The following LILRB4 variants were observed in gnomAD, a reference collection of about 807,000 sequenced individuals.
LILRB4 encodes leukocyte immunoglobulin like receptor B4, also known as leukocyte immunoglobulin-like receptor subfamily B member 4.
LILRB4 carries 49 observed loss-of-function variants against 55.2 expected under a neutral mutation model. That is an observed-to-expected ratio of 0.89 (90% CI 0.71 to 1.13). The LOEUF (loss-of-function observed/expected upper bound fraction) is 1.13, where lower values mean the gene tolerates loss of function less well. Ranked by LOEUF, LILRB4 falls within the 50% of genes most tolerant of loss-of-function variation. The probability of loss-of-function intolerance (pLI) is 0.00; values close to 1 mark genes in which losing one functional copy is unlikely to be tolerated. For synonymous variants in LILRB4, 229 were observed against 213.8 expected (o/e 1.07, Z -0.62); for missense variants, 590 against 555.2 (o/e 1.06, Z -0.63).
In LILRB4 at chr19:54,666,060, A is replaced by G; in HGVS notation, c.874+129A>G. On this transcript the variant is annotated intron_variant, in intron 7 of 11. Transcript: ENST00000430952. The surrounding 1 kb of genome is among the most constrained non-coding windows in gnomAD (Gnocchi z 4.8). ...GAAATTCCCAGTGAGAAAATCTAGA[A>G]AGAAGAAAATGAATGAGGGAGTAAT... The G allele has an allele frequency of 7.3e-7, 1 of 1,372,060 alleles. No homozygotes were observed. The highest frequency in any genetic ancestry group is 1.0e-6 in the Non-Finnish European group (1 of 996,012). 85.0% of individuals were successfully genotyped at this position (1,372,060 alleles called of 1,614,324 possible).
At position 54,666,544 on chromosome 19, in the gene LILRB4, G is replaced by C. The variant is rs2065273035; in HGVS notation, c.988+108G>C. The C allele has an allele frequency of 1.4e-6, 2 of 1,472,910 alleles. No homozygotes were observed. Among genetic ancestry groups the C allele is most frequent in the Non-Finnish European group, 1.9e-6 (2 of 1,065,438 alleles). The allele number at this position is 1,472,910 out of a possible 1,614,324, so 91.2% of individuals were successfully genotyped here. On this transcript the variant is annotated intron_variant, in intron 9 of 11. Transcript: ENST00000430952. The surrounding 1 kb of genome is among the most constrained non-coding windows in gnomAD (Gnocchi z 4.8). ...CTAGGATTGGTCAGGGACTCAGGGA[G>C]AAGTGGTCTGAACCCACATTGTGGG...
Position 54,666,131 on chromosome 19 carries a change from A to C in LILRB4, c.875-109A>C. ...GTTTTTCTAAACTTAGAAAGTATTT[A>C]AAACATCCTTGCAAGTGTATTTTCA... is the stretch of plus-strand genomic sequence containing the variant. On this transcript the variant is annotated intron_variant, in intron 7 of 11. Transcript: ENST00000430952. This position sits in a 1 kb window ranked among gnomAD's most constrained non-coding sequence, Gnocchi z 4.8. 1 of 1,283,570 alleles carries C rather than the reference A, an allele frequency of 7.8e-7. No homozygotes were observed. The highest frequency in any genetic ancestry group is 1.1e-6 in the Non-Finnish European group (1 of 923,606). The allele number at this position is 1,283,570 out of a possible 1,614,324, so 79.5% of individuals were successfully genotyped here. A position where few individuals can be genotyped will look rare whatever the true frequency, so the allele number is the denominator to read the frequency against.
At chr19:54,663,827 G>T (rs374181984) in exon 3 of LILRB4, 122 of 1,614,066 alleles carry the variant, frequency 7.6e-5, no homozygotes, top group Non-Finnish European at 9.5e-5. Flanking sequence ...TGACCATCTG[G>T]TGTCAGGGGA....
In LILRB4 at chr19:54,664,487, T is replaced by C. The variant is rs1284856671; in HGVS notation, c.655+2T>C. ...ACCCCCTGGAGCTCATAGTCTCAGGTGAGGCTCCTGACCCTGTCCTCTCTG... is the reference window on the plus strand; with the variant it reads ...ACCCCCTGGAGCTCATAGTCTCAGGCGAGGCTCCTGACCCTGTCCTCTCTG... On this transcript the variant is annotated splice_donor_variant, in intron 4 of 11. Transcript: ENST00000430952. LOFTEE classifies it high-confidence loss of function. The C allele has an allele frequency of 6.3e-7, 1 of 1,594,112 alleles. No homozygotes were observed.
chr19:54,666,784 C>T lies in LILRB4; in HGVS notation c.1041+35C>T. The T allele has an allele frequency of 6.3e-7, 1 of 1,592,510 alleles. No individual in the cohort carries two copies. Among genetic ancestry groups the T allele is most frequent in the Non-Finnish European group, 8.6e-7 (1 of 1,160,596 alleles). The stretch of plus-strand genomic sequence containing the variant: ...CGCCCCTGTCCCCGGCACCAAAGGC[C>T]TCCTGGTGCCAGATCTAATCCTGCA... On this transcript the variant is annotated intron_variant, in intron 10 of 11. Coordinates refer to ENST00000430952, the Ensembl canonical transcript of LILRB4. This position sits in a 1 kb window ranked among gnomAD's most constrained non-coding sequence, Gnocchi z 4.8.
In LILRB4 at chr19:54,665,396, C is replaced by A. The variant is rs1458818509; in HGVS notation, c.757+216C>A. On this transcript the variant is annotated intron_variant, in intron 6 of 11. Coordinates refer to ENST00000430952, the Ensembl canonical transcript of LILRB4. This position sits in a 1 kb window ranked among gnomAD's most constrained non-coding sequence, Gnocchi z 5.5. Reference sequence around the variant, plus strand: ...TGTGCCCTCCTGGGAGAGGAGGCCTCCCAGGGAACCTCCCAGACCCGATTC... The same window carrying A: ...TGTGCCCTCCTGGGAGAGGAGGCCTACCAGGGAACCTCCCAGACCCGATTC... Among the ~76,000 whole-genome samples the A allele has an allele frequency of 6.6e-6, 1 of 152,046 alleles. No individual in the cohort carries two copies. Among genetic ancestry groups the A allele is most frequent in the East Asian group, 1.9e-4 (1 of 5,172 alleles).
rs1041915461 is a variant in LILRB4 at position 54,666,105 on chromosome 19, G to T, written c.875-135G>T. On this transcript the variant is annotated intron_variant, in intron 7 of 11. Coordinates refer to ENST00000430952, the Ensembl canonical transcript of LILRB4. The surrounding 1 kb of genome is among the most constrained non-coding windows in gnomAD (Gnocchi z 4.8). ...AGTAATGGAAGTGCTTTATTCTTTC[G>T]GTTTTTCTAAACTTAGAAAGTATTT... The T allele has an allele frequency of 8.1e-7, 1 of 1,239,078 alleles. No individual in the cohort carries two copies. The highest frequency in any genetic ancestry group is 1.5e-5 in the South Asian group (1 of 67,512). The allele number at this position is 1,239,078 out of a possible 1,614,324, so 76.8% of individuals were successfully genotyped here.
At position 54,663,386 on chromosome 19, in the gene LILRB4, C is replaced by CAA. The variant is rs550663646; in HGVS notation, c.35-145_35-144insAA. 4 of 1,248,676 alleles carry CAA rather than the reference C, an allele frequency of 3.2e-6. No individual in the cohort carries two copies. In the East Asian group the frequency reaches 1.0e-4, roughly 32 times the overall value. 77.3% of individuals were successfully genotyped at this position (1,248,676 alleles called of 1,614,324 possible). A position where few individuals can be genotyped will look rare whatever the true frequency, so the allele number is the denominator to read the frequency against. Reference sequence around the variant, plus strand: ...GCGTGAACCCGGGAGGCGGAGCTTGCAGTGAGCCAAGATCGCACCACCGCA... The same window carrying CAA: ...GCGTGAACCCGGGAGGCGGAGCTTGCAAAGTGAGCCAAGATCGCACCACCGCA... On this transcript the variant is annotated intron_variant, in intron 1 of 11. Coordinates refer to ENST00000430952, the Ensembl canonical transcript of LILRB4.
At chr19:54,663,754 G>A (rs1366367720) in exon 3 of LILRB4, 6 of 1,613,910 alleles carry the variant, frequency 3.7e-6, no homozygotes, top group Non-Finnish European at 5.1e-6. Flanking sequence ...TTTCTTCCAG[G>A]GCCCCTCCCC....
exon 1 of LILRB4, chr19:54,663,066 C>G: frequency 6.2e-7 from 1 of 1,612,932 alleles, no homozygotes; most frequent in Non-Finnish European, 8.5e-7. Context: ...TGCTCTGCCT[C>G]GGTGAGATTT....
chr19:54,667,662 G>T (rs1164342034), exon 11 of LILRB4: 4 of 1,610,756 alleles, frequency 2.5e-6, no homozygotes, highest in Non-Finnish European at 3.4e-6. Flanking sequence ...AGACCCCCAG[G>T]CAGTGACGTA....
rs369084686 is a variant in LILRB4 at position 54,666,624 on chromosome 19, G to A, written c.989-73G>A. On this transcript the variant is annotated intron_variant, in intron 9 of 11. Transcript: ENST00000430952. This position sits in a 1 kb window ranked among gnomAD's most constrained non-coding sequence, Gnocchi z 4.8. ...GTTGCAGTGGCACTAATGGGAACAG[G>A]GCAGGGACCAGCAGGAATGAGAGGT... The A allele has an allele frequency of 2.2e-5, 34 of 1,535,266 alleles. No individual in the cohort carries two copies. The Middle Eastern group carries it at 6.7e-4, about 30-fold the overall frequency.
exon 3 of LILRB4, chr19:54,663,877 G>A (rs1240211910): frequency 1.2e-6 from 2 of 1,614,148 alleles, no homozygotes; most frequent in Non-Finnish European, 1.7e-6. Flanking sequence ...AAAGAGGAAA[G>A]CCCAGCACCC....
chr19:54,666,014 C>G lies in LILRB4; in HGVS notation c.874+83C>G. On this transcript the variant is annotated intron_variant, in intron 7 of 11. Coordinates refer to ENST00000430952, the Ensembl canonical transcript of LILRB4. The surrounding 1 kb of genome is among the most constrained non-coding windows in gnomAD (Gnocchi z 4.8). ...CAAAGGGACTCCAGATAGGAGAGGT[C>G]ATCTTAGAAACTCTGCTCCAGAAAT... 6.5e-7 allele frequency: 1 copy of G among 1,534,364 alleles called. No homozygotes were observed. Among genetic ancestry groups the G allele is most frequent in the Non-Finnish European group, 8.9e-7 (1 of 1,124,858 alleles).
At chr19:54,667,661 G>T in exon 11 of LILRB4, 1 of 1,609,332 alleles carries the variant, frequency 6.2e-7, no homozygotes, top group African/African-American at 1.4e-5. Context: ...AAGACCCCCA[G>T]GCAGTGACGT....
rs867609377 is a variant in LILRB4 at position 54,663,306 on chromosome 19, G to T, written c.35-226G>T. Among the ~76,000 whole-genome samples, 4 of 151,968 alleles carry T rather than the reference G, an allele frequency of 2.6e-5. No individual in the cohort carries two copies. In the South Asian group the frequency reaches 8.3e-4, roughly 32 times the overall value. ...CTAAAAATACAAAAAATTAGCCGGG[G>T]GTGGTTGCAGGCGCCTGTGGTCCCA... On this transcript the variant is annotated intron_variant, in intron 1 of 11. Coordinates refer to ENST00000430952, the Ensembl canonical transcript of LILRB4.
At chr19:54,663,306 G>C (rs867609377) in intron 1 of LILRB4, among the ~76,000 whole-genome samples, 2 of 151,972 alleles carry the variant, frequency 1.3e-5, no homozygotes, top group South Asian at 2.1e-4. Flanking sequence ...ATTAGCCGGG[G>C]GTGGTTGCAG....
rs774159302 is a variant in LILRB4 at position 54,666,751 on chromosome 19, T to A, written c.1041+2T>A. 3.1e-6 allele frequency: 5 copies of A among 1,613,666 alleles called. No homozygotes were observed. The Admixed American group carries it at 8.3e-5, about 27-fold the overall frequency. On this transcript the variant is annotated splice_donor_variant, in intron 10 of 11. Coordinates refer to ENST00000430952, the Ensembl canonical transcript of LILRB4. LOFTEE classifies it high-confidence loss of function. The surrounding 1 kb of genome is among the most constrained non-coding windows in gnomAD (Gnocchi z 4.8). ...GACGGGGTGGAAATGGACACTCGGG[T>A]GAGAACCCGCCCCTGTCCCCGGCAC...
At chr19:54,664,139 G>T (rs1332900959) in intron 3 of LILRB4, 47 bp from the exon 4 acceptor site, 76 of 1,128,464 alleles carry the variant, frequency 6.7e-5, no homozygotes, top group Non-Finnish European at 1.2e-5. Flanking sequence ...TGGGGATGAT[G>T]TGGGAGGTGG....
Sources: gnomAD v4.1 joint callset for allele counts (sites outside exome capture counted in the v4.1 genomes callset) on GRCh38, gnomAD v4.1.1 for gene constraint, Gnocchi (gnomAD v3.1) non-coding constraint, MANE v1.5 for transcripts, NCBI Gene and HGNC (gene_info 2026-07-23, HGNC 2026-07-21) for gene names.